Variants in BAZ2B observed in about 807,000 individuals in gnomAD.
The protein encoded by BAZ2B is bromodomain adjacent to zinc finger domain 2B.
In BAZ2B, 91 loss-of-function variants were observed where a neutral mutation model predicts 246.0. That is an observed-to-expected ratio of 0.37 (90% CI 0.31 to 0.44). The LOEUF is 0.44. Among genes scored for constraint, BAZ2B ranks in the 20% least tolerant of loss-of-function variants. The probability of loss-of-function intolerance (pLI) is 1.00; values close to 1 mark genes in which losing one functional copy is unlikely to be tolerated. For synonymous variants in BAZ2B, 855 were observed against 860.0 expected, an observed-to-expected ratio of 0.99 and a Z score of 0.10; for missense variants, 2,332 against 2,533.7, an observed-to-expected ratio of 0.92 and a Z score of 1.71.
At chr2:159,491,182 T>C (rs967760280) in intron 2 of BAZ2B, among the ~76,000 whole-genome samples, 10 of 152,208 alleles carry the variant, frequency 6.6e-5, no homozygotes, top group Non-Finnish European at 1.0e-4. Context: ...CACTAATGTA[T>C]GTCCTCCCTC....
At chr2:159,501,544 T>C (rs2081843418) in intron 2 of BAZ2B, among the ~76,000 whole-genome samples, 1 of 152,000 alleles carries the variant, frequency 6.6e-6, no homozygotes, top group African/African-American at 2.4e-5. Flanking sequence ...ACAAACTCAG[T>C]AATAAAATTA....
At chr2:159,428,798 T>A (rs2070497930) in intron 11 of BAZ2B, among the ~76,000 whole-genome samples, 1 of 152,172 alleles carries the variant, frequency 6.6e-6, no homozygotes, top group Admixed American at 6.5e-5. Context: ...GTCTAAAAGC[T>A]GTCATTTCTA....
At chr2:159,359,889 T>G (rs965952935) in intron 27 of BAZ2B, among the ~76,000 whole-genome samples, 1 of 151,978 alleles carries the variant, frequency 6.6e-6, no homozygotes, top group African/African-American at 2.4e-5. Context: ...GAAAAGGCCT[T>G]TGACAAAATT....
chr2:159,419,292 C>T (rs955762364), intron 13 of BAZ2B, among the ~76,000 whole-genome samples: 10 of 151,956 alleles, frequency 6.6e-5, no homozygotes, highest in Admixed American at 2.6e-4. Flanking sequence ...AAAAATTCTT[C>T]GGGAATGAGC....
chr2:159,665,149 G>A, the BAZ2B span, among the ~76,000 whole-genome samples: 1 of 113,260 alleles, frequency 8.8e-6, no homozygotes. Flanking sequence ...TACAAGGGAT[G>A]TGAAGGACCT....
At chr2:159,468,556 T>C (rs1019044170) in intron 3 of BAZ2B, among the ~76,000 whole-genome samples, 4 of 152,182 alleles carry the variant, frequency 2.6e-5, no homozygotes, top group Non-Finnish European at 5.9e-5. Flanking sequence ...TGTTAATGAC[T>C]TCCAAACTAC....
In BAZ2B at chr2:159,350,150, T is replaced by A; in HGVS notation, c.4421A>T (p.Glu1474Val). Residue 1474 changes from glutamate (E) to valine (V), a missense_variant, in exon 28 of 37, where the codon GAA (glutamate) becomes GTA (valine). Physicochemically the swap from Glu to Val is moderately radical, Grantham distance 121. Coordinates refer to ENST00000392783, the MANE Select transcript of BAZ2B (RefSeq NM_013450.4). ...GSFSKLSKLL[E>V]VAKMPPESEV... ...TGACTCAGGAGGCATCTTAGCTACT[T>A]CCAAAAGCTTGCTTAATTTGGAAAA... 6.2e-7 allele frequency: 1 copy of A among 1,614,092 alleles called. No homozygotes were observed. Among genetic ancestry groups the A allele is most frequent in the Non-Finnish European group, 8.5e-7 (1 of 1,180,000 alleles).
At chr2:159,386,300 C>T (rs2149545267) in intron 22 of BAZ2B, 53 bp downstream of exon 22, 1 of 1,481,866 alleles carries the variant, frequency 6.7e-7, no homozygotes, top group African/African-American at 1.4e-5. Flanking sequence ...AAGCTATCTA[C>T]CAATGCACTG....
At chr2:159,590,228 A>AAAAC (rs1689039109) in intron 1 of BAZ2B, among the ~76,000 whole-genome samples, 1 of 115,110 alleles carries the variant, frequency 8.7e-6, no homozygotes, top group Non-Finnish European at 1.9e-5. Context: ...AAAAAAAAAA[A>AAAAC]AAACAACCCA....
intron 27 of BAZ2B, among the ~76,000 whole-genome samples, chr2:159,358,305 T>C (rs1273319125): frequency 1.3e-5 from 2 of 151,876 alleles, no homozygotes; most frequent in Non-Finnish European, 1.5e-5. Context: ...ACAGAAGGGG[T>C]TGCAATCCTA....
At chr2:159,315,700 C>G (rs1206400541), downstream of BAZ2B, among the ~76,000 whole-genome samples, 1 of 152,082 alleles carries the variant, frequency 6.6e-6, no homozygotes, top group Non-Finnish European at 1.5e-5. Context: ...AAGATTAACC[C>G]CGACACAATG....
At chr2:159,624,344 A>G in the BAZ2B span, among the ~76,000 whole-genome samples, 1 of 152,206 alleles carries the variant, frequency 6.6e-6, no homozygotes, top group Admixed American at 6.5e-5. Context: ...AAGCTCTGCT[A>G]AGGGTCAGAC....
Position 159,501,137 on chromosome 2 carries a change from T to TA in BAZ2B, c.-2-22417_-2-22416insT, listed in dbSNP as rs1491560188. ...AATATATATATAATATATATATATA[T>TA]TTTATATATATAATATATATAAATA... is the stretch of plus-strand genomic sequence containing the variant. On this transcript the variant is annotated intron_variant, in intron 2 of 36. Transcript: ENST00000392783. Among the ~76,000 whole-genome samples the TA allele has an allele frequency of 1.9e-3, 53 of 28,462 alleles. 1 individual carries two copies. Among genetic ancestry groups the TA allele is most frequent in the African/African-American group, 3.8e-3 (49 of 12,766 alleles). 18.7% of individuals were successfully genotyped at this position (28,462 alleles called of 152,430 possible).
chr2:159,338,621 C>T (rs899965943), intron 31 of BAZ2B, among the ~76,000 whole-genome samples: 6 of 152,106 alleles, frequency 3.9e-5, no homozygotes, highest in African/African-American at 1.4e-4. Context: ...CATTGAAGTA[C>T]CTCAATCTAT....
intron 4 of BAZ2B, among the ~76,000 whole-genome samples, chr2:159,452,232 C>A (rs1436973800): frequency 6.6e-6 from 1 of 152,138 alleles, no homozygotes; most frequent in Non-Finnish European, 1.5e-5. Context: ...CCTTTCTACA[C>A]GTAGTTTTAA....
chr2:159,701,682 GTAT>G, the BAZ2B span, among the ~76,000 whole-genome samples: 10 of 145,714 alleles, frequency 6.9e-5, no homozygotes, highest in East Asian at 2.0e-4. Context: ...ATTTTATATT[GTAT>G]TATATTATAC....
intron 31 of BAZ2B, among the ~76,000 whole-genome samples, chr2:159,339,205 GC>G (rs1311165628): frequency 4.3e-5 from 1 of 23,026 alleles, no homozygotes; most frequent in Non-Finnish European, 2.8e-3. Flanking sequence ...TGCCTCCAAT[GC>G]CCTCCCCGTC....
intron 3 of BAZ2B, among the ~76,000 whole-genome samples, chr2:159,476,629 C>T (rs2078588907): frequency 6.6e-6 from 1 of 152,190 alleles, no homozygotes; most frequent in Non-Finnish European, 1.5e-5. Flanking sequence ...AACTCAGAAT[C>T]TGTACTCAAG....
chr2:159,584,312 C>T (rs1007497637), intron 1 of BAZ2B, among the ~76,000 whole-genome samples: 4 of 152,132 alleles, frequency 2.6e-5, no homozygotes, highest in Non-Finnish European at 5.9e-5. Context: ...AGCAGAGACG[C>T]GGTTTCACCA....
Sources: gnomAD v4.1 joint callset for allele counts (sites outside exome capture counted in the v4.1 genomes callset) on GRCh38, gnomAD v4.1.1 for gene constraint, MANE v1.5 for transcripts, NCBI Gene and HGNC (gene_info 2026-07-23, HGNC 2026-07-21) for gene names.